STIM2: variants seen among roughly 807,000 people sequenced by gnomAD.
The protein encoded by STIM2 is stromal interaction molecule 2.
In STIM2, 31 loss-of-function variants were observed where a neutral mutation model predicts 85.8. The observed-to-expected ratio is 0.36, with a 90% CI of 0.27 to 0.49. The LOEUF (loss-of-function observed/expected upper bound fraction) is 0.49. STIM2 is among the 20% of genes least tolerant of loss of function. The pLI is 0.98. For missense variants in STIM2, 841 were observed against 927.6 expected (o/e 0.91, Z 1.21); for synonymous variants, 356 against 331.1 (o/e 1.08, Z -0.82).
intron 10 of STIM2, among the ~76,000 whole-genome samples, chr4:27,009,719 A>C (rs1256658939): frequency 2.0e-5 from 3 of 152,202 alleles, no homozygotes; most frequent in Admixed American, 6.5e-5. Context: ...CTTGCTCCAC[A>C]CTGCAAGGTC....
chr4:26,964,015 GAT>G (rs1387304073), intron 3 of STIM2, among the ~76,000 whole-genome samples: 2 of 152,196 alleles, frequency 1.3e-5, no homozygotes, highest in Non-Finnish European at 2.9e-5. Flanking sequence ...GTGATGAACA[GAT>G]ATCTATTACT....
chr4:26,939,187 G>T (rs1577450643), intron 2 of STIM2, among the ~76,000 whole-genome samples: 1 of 152,088 alleles, frequency 6.6e-6, no homozygotes. Flanking sequence ...CCTACATCTT[G>T]GCATGTGCTT....
chr4:26,864,130 C>T (rs995501540), intron 1 of STIM2, among the ~76,000 whole-genome samples: 3 of 152,060 alleles, frequency 2.0e-5, no homozygotes, highest in African/African-American at 7.2e-5. Context: ...ATAATGAATA[C>T]AGGTTTATAT....
chr4:26,940,736 A>G (rs1011931515), intron 2 of STIM2, among the ~76,000 whole-genome samples: 6 of 152,104 alleles, frequency 3.9e-5, no homozygotes, highest in African/African-American at 9.7e-5. Flanking sequence ...TAGTTTAAAC[A>G]TTTTAGAACA....
Position 26,997,420 on chromosome 4 carries a change from AC to A in STIM2, c.510-1811del, listed in dbSNP as rs1416497708. Among the ~76,000 whole-genome samples the A allele has an allele frequency of 9.2e-5, 14 of 152,266 alleles. No individual in the cohort carries two copies. The East Asian group carries it at 2.7e-3, about 29-fold the overall frequency. The stretch of plus-strand genomic sequence containing the variant: ...GTGTTTTCTATACTCTGTAATTCTT[AC>A]TGCCAAACATTATACTAAGGCTGTC... On this transcript the variant is annotated intron_variant, in intron 4 of 11. Transcript: ENST00000467087.
intron 1 of STIM2, among the ~76,000 whole-genome samples, chr4:26,885,227 T>C (rs1723171691): frequency 6.6e-6 from 1 of 152,154 alleles, no homozygotes; most frequent in African/African-American, 2.4e-5. Context: ...AAATACAGTA[T>C]AACAGTACAG....
In STIM2 at chr4:26,966,262, A is replaced by G. The variant is rs747711295; in HGVS notation, c.397+8536A>G. Among the ~76,000 whole-genome samples, 117 of 152,280 alleles carry G rather than the reference A, an allele frequency of 7.7e-4. 1 individual carries two copies. In the Middle Eastern group the frequency reaches 0.01, roughly 13 times the overall value. ...TTCCTAGTAGTTGGAAATCAGTTGC[A>G]TATGAATGTGTGTTACATTTTCCTT... On this transcript the variant is annotated intron_variant, in intron 3 of 11. Transcript: ENST00000467087.
chr4:26,900,598 T>G (rs1442847194), intron 1 of STIM2, among the ~76,000 whole-genome samples: 1 of 152,306 alleles, frequency 6.6e-6, no homozygotes, highest in East Asian at 1.9e-4. Flanking sequence ...TAAAAACTAT[T>G]ACTTCAGTAT....
intron 3 of STIM2, among the ~76,000 whole-genome samples, chr4:26,968,922 TCAG>T (rs1726830355): frequency 1.3e-5 from 2 of 152,242 alleles, no homozygotes; most frequent in East Asian, 3.9e-4. Flanking sequence ...AAAAAATAAT[TCAG>T]CAATTACTTT....
intron 3 of STIM2, among the ~76,000 whole-genome samples, chr4:26,985,414 A>G (rs1374963575): frequency 1.3e-5 from 2 of 152,212 alleles, no homozygotes; most frequent in East Asian, 1.9e-4. Flanking sequence ...AATTGGATTT[A>G]AAAGTAGTCA....
chr4:26,900,232 C>A (rs1162421705), intron 1 of STIM2, among the ~76,000 whole-genome samples: 3 of 152,148 alleles, frequency 2.0e-5, no homozygotes, highest in Admixed American at 6.6e-5. Flanking sequence ...AGTCTTCCTG[C>A]TTTCCAAAGC....
At chr4:26,901,744 G>T (rs546054473) in intron 1 of STIM2, among the ~76,000 whole-genome samples, 1 of 152,144 alleles carries the variant, frequency 6.6e-6, no homozygotes, top group Non-Finnish European at 1.5e-5. Context: ...GAAGTTTGCC[G>T]AAGATTACAT....
At chr4:26,972,292 TGA>T (rs897174633) in intron 3 of STIM2, among the ~76,000 whole-genome samples, 2 of 152,188 alleles carry the variant, frequency 1.3e-5, no homozygotes, top group African/African-American at 4.8e-5. Flanking sequence ...ATAGGAGTGG[TGA>T]GAGAGGGCGT....
intron 1 of STIM2, among the ~76,000 whole-genome samples, chr4:26,908,422 G>GT (rs1283125234): frequency 6.6e-6 from 1 of 152,184 alleles, no homozygotes; most frequent in Admixed American, 6.5e-5. Context: ...AGAAGTGGTA[G>GT]TATGAGACTA....
intron 1 of STIM2, among the ~76,000 whole-genome samples, chr4:26,900,918 C>T (rs1471278440): frequency 1.3e-5 from 2 of 152,212 alleles, no homozygotes; most frequent in African/African-American, 2.4e-5. Context: ...TCCCAGACTG[C>T]AGACCCCTCT....
intron 4 of STIM2, among the ~76,000 whole-genome samples, chr4:26,998,877 A>C (rs1263331663): frequency 6.6e-6 from 1 of 150,868 alleles, no homozygotes; most frequent in Non-Finnish European, 1.5e-5. Context: ...GAACCACTGC[A>C]CTCCAGCCTG....
chr4:27,023,309 C>T lies in STIM2; in HGVS notation c.*313C>T, dbSNP rs949982373. The T allele has an allele frequency of 1.8e-5, 5 of 273,884 alleles. No individual in the cohort carries two copies. The highest frequency in any genetic ancestry group is 2.1e-5 in the Non-Finnish European group (3 of 142,396). 17.0% of individuals were successfully genotyped at this position (273,884 alleles called of 1,614,324 possible). A position where few individuals can be genotyped will look rare whatever the true frequency, so the allele number is the denominator to read the frequency against. ...ATATGCAACATTTTGTTGAAAGCCA[C>T]GATGGACTTACAAGCTTTAATGGAC... On this transcript the variant is annotated 3_prime_UTR_variant, in exon 12 of 12. Coordinates refer to ENST00000467087, the MANE Select transcript of STIM2 (RefSeq NM_020860.4).
intron 1 of STIM2, among the ~76,000 whole-genome samples, chr4:26,863,178 T>TG (rs1045661281): frequency 5.3e-5 from 8 of 152,084 alleles, no homozygotes; most frequent in African/African-American, 1.9e-4. Flanking sequence ...ATTTAAGGCA[T>TG]GGGGGAAAAA....
intron 2 of STIM2, among the ~76,000 whole-genome samples, chr4:26,938,009 AAATTTAAATAGCTTAAT>A (rs146157883): frequency 0.038 from 5,731 of 152,160 alleles, 250 homozygotes; most frequent in African/African-American, 0.11. Context: ...CTCTGGAAAT[AAATTTAAATAGCTTAAT>A]AATTTAAATA....
Sources: gnomAD v4.1 joint callset for allele counts (sites outside exome capture counted in the v4.1 genomes callset) on GRCh38, gnomAD v4.1.1 for gene constraint, MANE v1.5 for transcripts, NCBI Gene and HGNC (gene_info 2026-07-23, HGNC 2026-07-21) for gene names.